KIF21A: variants seen among roughly 807,000 people sequenced by gnomAD.
KIF21A encodes kinesin-like protein KIF21A.
Under a neutral mutation model 202.9 loss-of-function variants are expected in KIF21A, and 114 were observed. The ratio of observed to expected loss-of-function variants is 0.56; its 90% CI spans 0.48 to 0.66. KIF21A has a LOEUF of 0.66. Ranked by LOEUF, KIF21A falls within the 30% of genes least tolerant of loss-of-function variation. The pLI, the probability that KIF21A is intolerant of heterozygous loss-of-function variation, is 0.00. For missense variants in KIF21A, 1,677 were observed against 1,994.9 expected (o/e 0.84, Z 3.04); for synonymous variants, 667 against 670.8 (o/e 0.99, Z 0.09).
chr12:39,346,319 G>C (rs1947885975), intron 12 of KIF21A, 147 bp downstream of exon 12: 1 of 426,844 alleles, frequency 2.3e-6, no homozygotes, highest in African/African-American at 2.0e-5. Flanking sequence ...CAGTGTTCTT[G>C]TTAGTTTTAT....
chr12:39,296,026 A>T (rs1382382711), intron 37 of KIF21A, among the ~76,000 whole-genome samples: 11 of 56,418 alleles, frequency 1.9e-4, no homozygotes, highest in African/African-American at 2.9e-4. Context: ...TTTGTTTGTT[A>T]AAAAAAAAAA....
chr12:39,358,031 C>T (rs1948928278), intron 8 of KIF21A, 147 bp downstream of exon 8: 1 of 571,112 alleles, frequency 1.8e-6, no homozygotes, highest in Non-Finnish European at 3.2e-6. Flanking sequence ...ACAAGGAAAA[C>T]TAGAGACTCT....
chr12:39,301,537 T>C lies in KIF21A; in HGVS notation c.4874A>G (p.His1625Arg), dbSNP rs943051896. The part of the protein sequence containing the change: ...TFMPVGEMKG[H>R]DSPINAICVN... ...ACATATGGCATTGATAGGACTATCA[T>C]GACCCTTCATCTCTCCCACTGGCAT... Residue 1625 changes from histidine (H) to arginine (R), a missense_variant, in exon 37 of 38, where the codon CAT becomes CGT. Physicochemically the swap from His to Arg is conservative, Grantham distance 29. Around this residue, in one of 3 missense-constraint regions of KIF21A, gnomAD observed 705 missense variants for 791.9 expected, o/e 0.89. Coordinates refer to ENST00000361418, the MANE Select transcript of KIF21A (RefSeq NM_001173464.2). 6.2e-7 allele frequency: 1 copy of C among 1,614,144 alleles called. No individual in the cohort carries two copies.
At position 39,363,151 on chromosome 12, in the gene KIF21A, G is replaced by C; in HGVS notation, c.966C>G (p.Pro322=). Residue 322 remains proline (P), a synonymous_variant, in exon 7 of 38, where the codon CCC becomes CCG. Coordinates refer to ENST00000361418, the MANE Select transcript of KIF21A (RefSeq NM_001173464.2). ...GDKSKRATHV[P]YRDSKLTRLL... Reference sequence around the variant, plus strand: ...GTCTTGTTAGCTTGGAATCTCTATAGGGGACATGTGTGGCCCTCTTGCTCT... The same window carrying C: ...GTCTTGTTAGCTTGGAATCTCTATACGGGACATGTGTGGCCCTCTTGCTCT... The C allele has an allele frequency of 1.2e-6, 2 of 1,613,354 alleles. No homozygotes were observed. Among genetic ancestry groups the C allele is most frequent in the Non-Finnish European group, 1.7e-6 (2 of 1,179,500 alleles).
Position 39,297,870 on chromosome 12 carries a change from A to T in KIF21A, c.4932-3353T>A, listed in dbSNP as rs184578693. 1.9e-3 allele frequency among the ~76,000 whole-genome samples: 289 copies of T among 149,342 alleles called. 2 individuals carry two copies. The highest frequency in any genetic ancestry group is 5.4e-3 in the African/African-American group (219 of 40,836). ...TTGCCTGGGAGCAGGCAATAATAATAATTATTATTATTATTATTGATCAAA... is the reference window on the plus strand; with the variant it reads ...TTGCCTGGGAGCAGGCAATAATAATTATTATTATTATTATTATTGATCAAA... On this transcript the variant is annotated intron_variant, in intron 37 of 37. Transcript: ENST00000361418.
At chr12:39,324,165 G>C (rs17127029) in intron 26 of KIF21A, among the ~76,000 whole-genome samples, 14,915 of 151,884 alleles carry the variant, frequency 0.098, 753 homozygotes, top group East Asian at 0.14. Context: ...AGTTCAAACG[G>C]AGTAGCAGGT....
intron 16 of KIF21A, among the ~76,000 whole-genome samples, chr12:39,338,756 G>A (rs770945691): frequency 4.6e-5 from 7 of 152,170 alleles, no homozygotes; most frequent in African/African-American, 9.7e-5. Context: ...TCTATTAGGT[G>A]TGCAATAGCA....
chr12:39,345,489 T>C (rs1383681871), intron 12 of KIF21A, among the ~76,000 whole-genome samples: 2 of 151,606 alleles, frequency 1.3e-5, no homozygotes, highest in Non-Finnish European at 2.9e-5. Context: ...CTATATAACA[T>C]ACTAAATATA....
At chr12:39,334,628 A>T (rs996144720) in intron 17 of KIF21A, among the ~76,000 whole-genome samples, 1 of 152,218 alleles carries the variant, frequency 6.6e-6, no homozygotes, top group Non-Finnish European at 1.5e-5. Flanking sequence ...TTAAAAACCA[A>T]ATCTCAAGCT....
chr12:39,348,024 T>A (rs1948049229), intron 11 of KIF21A, among the ~76,000 whole-genome samples: 1 of 152,064 alleles, frequency 6.6e-6, no homozygotes, highest in South Asian at 2.1e-4. Context: ...AGATTTTCTA[T>A]TTTCAATATA....
intron 23 of KIF21A, 102 bp downstream of exon 23, chr12:39,330,644 C>A (rs1412331106): frequency 3.1e-6 from 3 of 955,804 alleles, no homozygotes; most frequent in Non-Finnish European, 5.1e-6. Context: ...GTAAATATAG[C>A]ATCTATTCAG....
chr12:39,441,500 A>C (rs1939573240), intron 1 of KIF21A, among the ~76,000 whole-genome samples: 1 of 151,782 alleles, frequency 6.6e-6, no homozygotes, highest in Non-Finnish European at 1.5e-5. Flanking sequence ...AACTGGTATT[A>C]AAGGGCCAAA....
rs916315890 is a variant in KIF21A at position 39,442,261 on chromosome 12, T to C, written c.44+666A>G. ...TGGCTAAAGAGTTTTCCTCCTTCTG[T>C]AGACCTCTCCCCAGTGGATTTTACC... On this transcript the variant is annotated intron_variant, in intron 1 of 37. Transcript: ENST00000361418. This position sits in a 1 kb window ranked among gnomAD's most constrained non-coding sequence, Gnocchi z 5.0. 5.3e-5 allele frequency among the ~76,000 whole-genome samples: 8 copies of C among 152,130 alleles called. No homozygotes were observed. The highest frequency in any genetic ancestry group is 1.2e-4 in the Non-Finnish European group (8 of 68,020).
chr12:39,327,981 TTTAAAG>T (rs2074157294), intron 24 of KIF21A, among the ~76,000 whole-genome samples: 1 of 152,218 alleles, frequency 6.6e-6, no homozygotes, highest in African/African-American at 2.4e-5. Context: ...AAAGTCTTCC[TTTAAAG>T]TTATTCTTTT....
chr12:39,349,825 A>G (rs1441937085), intron 11 of KIF21A, among the ~76,000 whole-genome samples: 4 of 152,090 alleles, frequency 2.6e-5, no homozygotes, highest in African/African-American at 9.7e-5. Flanking sequence ...AGCAATAAAA[A>G]TTTATAAATT....
intron 10 of KIF21A, among the ~76,000 whole-genome samples, chr12:39,354,028 T>C (rs1463719173): frequency 1.3e-5 from 2 of 152,072 alleles, no homozygotes; most frequent in Non-Finnish European, 2.9e-5. Flanking sequence ...TCTTGGACCA[T>C]CAAGTCTCTA....
intron 5 of KIF21A, 94 bp from the exon 6 acceptor site, chr12:39,366,611 G>A: frequency 1.1e-6 from 1 of 891,842 alleles, no homozygotes; most frequent in Non-Finnish European, 1.7e-6. Context: ...ACACATATAG[G>A]CACAACCAAA....
chr12:39,443,036 C>G lies in KIF21A; in HGVS notation c.-66G>C. ...CGCAGAGCTGAGGCGCCACTGGGGC[C>G]GCGGGACTCGGGCGCAGTAGGCTGG... On this transcript the variant is annotated 5_prime_UTR_variant, in exon 1 of 38. Transcript: ENST00000361418. The G allele has an allele frequency of 2.0e-6, 3 of 1,476,682 alleles. No individual in the cohort carries two copies. Among genetic ancestry groups the G allele is most frequent in the Non-Finnish European group, 2.7e-6 (3 of 1,116,892 alleles). 91.5% of individuals were successfully genotyped at this position (1,476,682 alleles called of 1,614,324 possible). A position where few individuals can be genotyped will look rare whatever the true frequency, so the allele number is the denominator to read the frequency against.
intron 1 of KIF21A, among the ~76,000 whole-genome samples, chr12:39,379,186 C>T (rs1260613345): frequency 2.6e-5 from 4 of 151,904 alleles, no homozygotes; most frequent in South Asian, 2.1e-4. Flanking sequence ...AAAAATTAGC[C>T]GGGCATAGTG....
Sources: allele counts gnomAD v4.1 joint callset (sites outside exome capture counted in the v4.1 genomes callset), GRCh38; gene constraint gnomAD v4.1.1; regional missense constraint gnomAD v4.1.1; non-coding constraint Gnocchi (gnomAD v3.1); transcripts MANE v1.5; gene names NCBI Gene and HGNC (gene_info 2026-07-23, HGNC 2026-07-21).